AGBL4: variants seen among roughly 807,000 people sequenced by gnomAD.
The protein encoded by AGBL4 is cytosolic carboxypeptidase 6.
AGBL4 carries 58 observed loss-of-function variants against 66.4 expected under a neutral mutation model. That is an observed-to-expected ratio of 0.87 (90% CI 0.71 to 1.09). AGBL4 has a LOEUF of 1.09. Among genes scored for constraint, AGBL4 ranks in the 50% least tolerant of loss-of-function variants. AGBL4 has a pLI of 0.00. For synonymous variants in AGBL4, 234 were observed against 222.9 expected, an observed-to-expected ratio of 1.05 and a Z score of -0.44; for missense variants, 579 against 631.0, an observed-to-expected ratio of 0.92 and a Z score of 0.88.
rs145274002 is a variant in AGBL4 at position 49,497,268 on chromosome 1, C to A, written c.282+200045G>T. Among the ~76,000 whole-genome samples the A allele has an allele frequency of 3.4e-3, 513 of 151,954 alleles. 6 individuals carry two copies. Among genetic ancestry groups the A allele is most frequent in the African/African-American group, 0.012 (497 of 41,480 alleles). ...TTCCTTACATATTTTGAATATTAAC[C>A]CCTTATCAGATGTAAAGGTTGAAGA... On this transcript the variant is annotated intron_variant, in intron 3 of 13. Transcript: ENST00000371839.
intron 3 of AGBL4, among the ~76,000 whole-genome samples, chr1:49,600,474 T>C (rs1644932945): frequency 1.3e-5 from 2 of 152,226 alleles, no homozygotes; most frequent in African/African-American, 4.8e-5. Flanking sequence ...TAAATATTCC[T>C]CCACCAATTA....
chr1:49,984,003 A>G (rs1212324477), intron 1 of AGBL4, among the ~76,000 whole-genome samples: 6 of 152,296 alleles, frequency 3.9e-5, no homozygotes, highest in Middle Eastern at 6.8e-3. Flanking sequence ...TAAAATAGAG[A>G]TCATGAGACT....
intron 3 of AGBL4, among the ~76,000 whole-genome samples, chr1:49,377,516 A>G (rs1644497010): frequency 6.6e-6 from 1 of 152,074 alleles, no homozygotes; most frequent in Admixed American, 6.6e-5. Context: ...GAATCTTCAC[A>G]TGTCATTCCC....
chr1:49,680,380 T>G (rs1646668877), intron 3 of AGBL4, among the ~76,000 whole-genome samples: 1 of 152,014 alleles, frequency 6.6e-6, no homozygotes, highest in African/African-American at 2.4e-5. Flanking sequence ...TCCTTTCCTT[T>G]TAAGAACTTC....
chr1:48,591,005 CAA>C lies in AGBL4; in HGVS notation c.952-22_952-21del, dbSNP rs1197504005. On this transcript the variant is annotated intron_variant, in intron 9 of 13. Transcript: ENST00000371839. ...TGTTTTCTGTTGAGAGAAAGGATAA[CAA>C]ATGAGAAGTCTGGGCTGTAGAGCTT... 11 of 1,594,618 alleles carry C rather than the reference CAA, an allele frequency of 6.9e-6. No homozygotes were observed. Among genetic ancestry groups the C allele is most frequent in the Non-Finnish European group, 9.4e-6 (11 of 1,170,622 alleles).
intron 1 of AGBL4, among the ~76,000 whole-genome samples, chr1:49,990,251 C>T (rs148193761): frequency 6.6e-6 from 1 of 152,176 alleles, no homozygotes; most frequent in Non-Finnish European, 1.5e-5. Context: ...TTTCTGTCCC[C>T]ACCCAAATCT....
At chr1:49,650,918 A>G (rs1645991210) in intron 3 of AGBL4, among the ~76,000 whole-genome samples, 1 of 152,112 alleles carries the variant, frequency 6.6e-6, no homozygotes, top group Non-Finnish European at 1.5e-5. Context: ...TGGAAACAGC[A>G]TTTCCAGCAC....
At chr1:49,163,131 A>T (rs1368520036) in intron 4 of AGBL4, among the ~76,000 whole-genome samples, 2 of 152,190 alleles carry the variant, frequency 1.3e-5, no homozygotes, top group Non-Finnish European at 2.9e-5. Flanking sequence ...AACGCTTGGA[A>T]CTATTTTAGT....
chr1:48,782,336 T>C (rs1645315902), intron 6 of AGBL4, among the ~76,000 whole-genome samples: 1 of 152,232 alleles, frequency 6.6e-6, no homozygotes, highest in South Asian at 2.1e-4. Context: ...TTGCAGAGCC[T>C]TGGGTTAATG....
intron 3 of AGBL4, among the ~76,000 whole-genome samples, chr1:49,375,624 T>C (rs369653604): frequency 5.1e-4 from 77 of 152,188 alleles, no homozygotes; most frequent in African/African-American, 1.8e-3. Flanking sequence ...CTCATCTTAA[T>C]GAAAGAGACT....
At chr1:48,713,826 G>A (rs17104710) in intron 6 of AGBL4, among the ~76,000 whole-genome samples, 9,374 of 152,144 alleles carry the variant, frequency 0.062, 406 homozygotes, top group African/African-American at 0.13. Context: ...GAATCTGTCA[G>A]CTGAATAGCC....
intron 6 of AGBL4, among the ~76,000 whole-genome samples, chr1:48,678,329 A>C (rs1306044204): frequency 6.6e-6 from 1 of 151,786 alleles, no homozygotes; most frequent in Admixed American, 6.6e-5. Context: ...AGGGCCAGGG[A>C]TCATGCTTAG....
intron 3 of AGBL4, among the ~76,000 whole-genome samples, chr1:49,353,051 T>C (rs1337618217): frequency 6.6e-6 from 1 of 152,162 alleles, no homozygotes; most frequent in African/African-American, 2.4e-5. Context: ...TATCCCTTTA[T>C]AGGATGTTTA....
chr1:48,612,782 A>G (rs933309527), intron 9 of AGBL4, among the ~76,000 whole-genome samples: 1 of 152,242 alleles, frequency 6.6e-6, no homozygotes, highest in Non-Finnish European at 1.5e-5. Context: ...TTACATCTTT[A>G]AAAAATGTTT....
At chr1:49,335,412 A>G (rs1331355995) in intron 3 of AGBL4, among the ~76,000 whole-genome samples, 4 of 152,184 alleles carry the variant, frequency 2.6e-5, no homozygotes, top group Non-Finnish European at 5.9e-5. Context: ...TTCTCTACAC[A>G]CTAATCAGGG....
rs572810164 is a variant in AGBL4, at chr1:48,641,551, T to G, written c.840-6947A>C. On this transcript the variant is annotated intron_variant, in intron 8 of 13. Coordinates refer to ENST00000371839, the MANE Select transcript of AGBL4 (RefSeq NM_032785.4). ...GACTTGGGTTTGAGTCCCAGTTCTG[T>G]CATCTAGTAGCTTTGTGACCTTGGA... Among the ~76,000 whole-genome samples the G allele has an allele frequency of 5.3e-5, 8 of 152,246 alleles. No homozygotes were observed. The South Asian group carries it at 1.7e-3, about 32-fold the overall frequency.
intron 5 of AGBL4, among the ~76,000 whole-genome samples, chr1:48,878,728 T>G (rs1345256803): frequency 6.6e-6 from 1 of 152,138 alleles, no homozygotes; most frequent in Non-Finnish European, 1.5e-5. Flanking sequence ...AGGCTCTCAG[T>G]CATGTTTGCT....
At chr1:48,618,651 A>G (rs917742653) in intron 9 of AGBL4, among the ~76,000 whole-genome samples, 3 of 152,192 alleles carry the variant, frequency 2.0e-5, no homozygotes, top group African/African-American at 7.2e-5. Flanking sequence ...GGATGTGTAC[A>G]TCCTCAGGCT....
chr1:49,195,535 G>C (rs1040182654), intron 4 of AGBL4, among the ~76,000 whole-genome samples: 4 of 152,060 alleles, frequency 2.6e-5, no homozygotes, highest in South Asian at 2.1e-4. Flanking sequence ...TTAGTGTAAT[G>C]GGGTTTCCTT....
Sources: gnomAD v4.1 joint callset for allele counts (sites outside exome capture counted in the v4.1 genomes callset) on GRCh38, gnomAD v4.1.1 for gene constraint, MANE v1.5 for transcripts, NCBI Gene and HGNC (gene_info 2026-07-23, HGNC 2026-07-21) for gene names.